Variants in KDM7A observed in about 807,000 individuals in gnomAD.
KDM7A encodes the protein lysine demethylase 7A, also known as lysine-specific demethylase 7A.
KDM7A carries 28 observed loss-of-function variants against 114.8 expected under a neutral mutation model. The ratio of observed to expected loss-of-function variants is 0.24; its 90% CI spans 0.18 to 0.33. KDM7A has a LOEUF of 0.33. KDM7A is among the 10% of genes least tolerant of loss of function. The pLI, the probability that KDM7A is intolerant of heterozygous loss-of-function variation, is 1.00. For missense variants in KDM7A, 942 were observed against 1,142.5 expected (o/e 0.82, Z 2.53); for synonymous variants, 423 against 397.8 (o/e 1.06, Z -0.75).
chr7:140,139,982 A>G (rs915835869), intron 1 of KDM7A, among the ~76,000 whole-genome samples: 2 of 152,236 alleles, frequency 1.3e-5, no homozygotes, highest in Non-Finnish European at 2.9e-5. Flanking sequence ...ACGATCACTT[A>G]GTAATTTTAA....
intron 2 of KDM7A, among the ~76,000 whole-genome samples, chr7:140,135,414 G>T (rs972546984): frequency 2.0e-5 from 3 of 152,002 alleles, no homozygotes. Flanking sequence ...TGTTGGCCAG[G>T]ATGGTCTCGA....
chr7:140,105,746 TTC>T (rs1297805161), intron 11 of KDM7A, among the ~76,000 whole-genome samples: 1 of 152,222 alleles, frequency 6.6e-6, no homozygotes, highest in African/African-American at 2.4e-5. Context: ...TGGTCTAAAA[TTC>T]TCTTTTTTTG....
In KDM7A at chr7:140,086,706, C is replaced by T. The variant is rs1817929647; in HGVS notation, c.*4388G>A. ...GGGGCTGTTTTAGGAAGCAAAGTAT[C>T]AGAGGCCCCAGATCCACTGTGTCTC... On this transcript the variant is annotated 3_prime_UTR_variant, in exon 20 of 20. Transcript: ENST00000397560. 6.6e-6 allele frequency: 1 copy of T among 152,086 alleles called. No individual in the cohort carries two copies. The highest frequency in any genetic ancestry group is 1.5e-5 in the Non-Finnish European group (1 of 68,044). 9.4% of individuals were successfully genotyped at this position (152,086 alleles called of 1,614,324 possible).
intron 17 of KDM7A, chr7:140,095,793 T>C: frequency 6.2e-6 from 1 of 160,380 alleles, no homozygotes; most frequent in Non-Finnish European, 1.4e-5. Context: ...ACAGGAAGAT[T>C]GCTTGAGGCC....
At chr7:140,138,814 G>C (rs996812177) in intron 2 of KDM7A, among the ~76,000 whole-genome samples, 2 of 152,194 alleles carry the variant, frequency 1.3e-5, no homozygotes, top group Non-Finnish European at 1.5e-5. Flanking sequence ...TCCAGAAACA[G>C]AAAAATTTTA....
At chr7:140,142,857 G>C (rs930597197) in intron 1 of KDM7A, among the ~76,000 whole-genome samples, 2 of 151,714 alleles carry the variant, frequency 1.3e-5, no homozygotes, top group Non-Finnish European at 2.9e-5. Flanking sequence ...TAGTAAAATG[G>C]ATACAGTATA....
chr7:140,146,249 A>G (rs1270746181), intron 1 of KDM7A, among the ~76,000 whole-genome samples: 2 of 152,274 alleles, frequency 1.3e-5, no homozygotes, highest in East Asian at 3.8e-4. Flanking sequence ...AATAAAATTA[A>G]ACACAAAAAG....
intron 4 of KDM7A, among the ~76,000 whole-genome samples, chr7:140,128,550 A>C (rs1004672819): frequency 6.6e-6 from 1 of 152,184 alleles, no homozygotes; most frequent in Non-Finnish European, 1.5e-5. Flanking sequence ...TGTTTTGCAG[A>C]TGCTATCTAC....
rs1261408196 is a variant in KDM7A, at chr7:140,099,031, T to C, written c.1766A>G (p.Asp589Gly). The C allele has an allele frequency of 1.2e-6, 2 of 1,607,760 alleles. No individual in the cohort carries two copies. The highest frequency in any genetic ancestry group is 1.3e-5 in the African/African-American group (1 of 74,466). The change falls in exon 14 of 20, where the codon GAT becomes GGT. Residue 589 changes from aspartate (D) to glycine (G), a missense_variant and splice_region_variant. This residue lies in a region of KDM7A where 512 missense variants were observed against 576.6 expected (regional missense o/e 0.89). Transcript: ENST00000397560. ...TTGATCTGCAAAGGGCTGCCTTTCA[T>C]CTCTGTATTAAGAAGGAAAAGTAAT... ...LLLTNGRIIK[D>G]ERQPFADQSL...
intron 10 of KDM7A, 137 bp downstream of exon 10, chr7:140,113,354 T>A (rs1818463656): frequency 2.1e-6 from 1 of 478,982 alleles, no homozygotes; most frequent in Non-Finnish European, 3.7e-6. Context: ...AATAATAAAA[T>A]GCAGGTTGTA....
intron 9 of KDM7A, 139 bp downstream of exon 9, chr7:140,118,974 A>G: frequency 1.9e-6 from 1 of 533,616 alleles, no homozygotes; most frequent in Non-Finnish European, 3.4e-6. Flanking sequence ...TGGATGGGGG[A>G]AAACCACTTA....
chr7:140,105,321 C>G (rs1029770448), intron 11 of KDM7A, among the ~76,000 whole-genome samples: 3 of 152,194 alleles, frequency 2.0e-5, no homozygotes, highest in Admixed American at 6.5e-5. Context: ...ACTTCCAACA[C>G]TATGTTGAAT....
intron 4 of KDM7A, among the ~76,000 whole-genome samples, chr7:140,129,220 T>C (rs561745380): frequency 2.0e-4 from 30 of 152,248 alleles, no homozygotes; most frequent in African/African-American, 7.2e-4. Context: ...TCAGTAATGA[T>C]TTTCCCTAAG....
At chr7:140,175,739 C>G (rs1291474483) in intron 1 of KDM7A, among the ~76,000 whole-genome samples, 1 of 151,892 alleles carries the variant, frequency 6.6e-6, no homozygotes, top group Non-Finnish European at 1.5e-5. Flanking sequence ...AGCGCGGCGG[C>G]GGCTGAATCA....
intron 6 of KDM7A, among the ~76,000 whole-genome samples, chr7:140,126,101 TCTCA>T (rs1818697191): frequency 6.6e-6 from 1 of 152,066 alleles, no homozygotes; most frequent in Non-Finnish European, 1.5e-5. Flanking sequence ...AGAGACAGGG[TCTCA>T]CTATGTTGCT....
At chr7:140,100,728 ATAT>A (rs1818206274) in intron 12 of KDM7A, among the ~76,000 whole-genome samples, 1 of 42,656 alleles carries the variant, frequency 2.3e-5, no homozygotes, top group African/African-American at 8.5e-5. Flanking sequence ...ATATATATAT[ATAT>A]ATATATATAT....
At chr7:140,156,629 G>A (rs1022133101) in intron 1 of KDM7A, among the ~76,000 whole-genome samples, 14 of 152,168 alleles carry the variant, frequency 9.2e-5, no homozygotes, top group African/African-American at 3.4e-4. Context: ...AGGGAGAGAG[G>A]AAGCTAGGTA....
rs1357314265 is a variant in KDM7A, at chr7:140,176,480, A to C, written c.194+264T>G. On this transcript the variant is annotated intron_variant, in intron 1 of 19. Transcript: ENST00000397560. The surrounding 1 kb of genome is among the most constrained non-coding windows in gnomAD (Gnocchi z 4.4). The stretch of plus-strand genomic sequence containing the variant: ...CGCCCCAGGCTCCCCCTGCCAACTT[A>C]TCCGCCGGCCCTCTTTGTTCGTGTT... Among the ~76,000 whole-genome samples the C allele has an allele frequency of 6.9e-6, 1 of 145,876 alleles. No individual in the cohort carries two copies. Among genetic ancestry groups the C allele is most frequent in the Non-Finnish European group, 1.5e-5 (1 of 65,754 alleles).
At chr7:140,160,665 G>A (rs1448942589) in intron 1 of KDM7A, among the ~76,000 whole-genome samples, 2 of 152,220 alleles carry the variant, frequency 1.3e-5, no homozygotes, top group Non-Finnish European at 2.9e-5. Context: ...TCCTGAGGGA[G>A]AGTGGTGTAA....
Sources: gnomAD v4.1 joint callset for allele counts (sites outside exome capture counted in the v4.1 genomes callset) on GRCh38, gnomAD v4.1.1 for gene constraint, gnomAD v4.1.1 regional missense constraint, Gnocchi (gnomAD v3.1) non-coding constraint, MANE v1.5 for transcripts, NCBI Gene and HGNC (gene_info 2026-07-23, HGNC 2026-07-21) for gene names.